GPD1L: variants seen among roughly 807,000 people sequenced by gnomAD.
The protein encoded by GPD1L is glycerol-3-phosphate dehydrogenase 1-like protein.
GPD1L carries 17 observed loss-of-function variants against 32.9 expected under a neutral mutation model. The observed-to-expected ratio is 0.52, with a 90% confidence interval of 0.35 to 0.78. GPD1L has a LOEUF of 0.78. GPD1L is among the 30% of genes least tolerant of loss of function. GPD1L has a pLI of 0.01. For missense variants in GPD1L, 361 were observed against 447.8 expected (o/e 0.81, Z 1.75); for synonymous variants, 187 against 165.9 (o/e 1.13, Z -0.98).
chr3:32,111,815 CTT>C (rs113395943), intron 1 of GPD1L, among the ~76,000 whole-genome samples: 32 of 143,682 alleles, frequency 2.2e-4, no homozygotes, highest in Non-Finnish European at 2.8e-4. Context: ...GTGACTCTGT[CTT>C]TTTTTTTTTT....
chr3:32,153,043 A>G lies in GPD1L; in HGVS notation c.619-5833A>G, dbSNP rs78986554. 1.5e-3 allele frequency among the ~76,000 whole-genome samples: 233 copies of G among 152,240 alleles called. 3 individuals are homozygous for G. Among genetic ancestry groups the G allele is most frequent in the African/African-American group, 5.4e-3 (224 of 41,558 alleles). On this transcript the variant is annotated intron_variant, in intron 5 of 7. Coordinates refer to ENST00000282541, the MANE Select transcript of GPD1L (RefSeq NM_015141.4). ...TACTTGCATTAAAATAAGAGATTCT[A>G]TTATTGTAGAAGGAAAGAATAGATT...
chr3:32,154,816 C>A (rs1363889124), intron 5 of GPD1L, among the ~76,000 whole-genome samples: 1 of 151,838 alleles, frequency 6.6e-6, no homozygotes, highest in African/African-American at 2.4e-5. Context: ...GGCATGATCT[C>A]GGCTCACTGC....
chr3:32,112,786 A>G (rs1263003482), intron 1 of GPD1L, among the ~76,000 whole-genome samples: 1 of 152,178 alleles, frequency 6.6e-6, no homozygotes, highest in Admixed American at 6.5e-5. Flanking sequence ...AGGCATAAAT[A>G]TAATAATTTA....
At chr3:32,125,476 G>A (rs1700493292) in intron 1 of GPD1L, among the ~76,000 whole-genome samples, 1 of 152,148 alleles carries the variant, frequency 6.6e-6, no homozygotes, top group Non-Finnish European at 1.5e-5. Context: ...TCTCAGCGGG[G>A]TTTGGTCTTC....
chr3:32,144,747 G>A (rs1024534144), intron 4 of GPD1L, among the ~76,000 whole-genome samples: 1 of 149,424 alleles, frequency 6.7e-6, no homozygotes, highest in Non-Finnish European at 1.5e-5. Context: ...GTGCAGTGGC[G>A]TGATCTCGGC....
intron 7 of GPD1L, among the ~76,000 whole-genome samples, chr3:32,160,404 G>A (rs1575123014): frequency 7.5e-5 from 5 of 66,922 alleles, no homozygotes; most frequent in Middle Eastern, 7.8e-3. Context: ...GTGCATGGGT[G>A]GATGGGTGAG....
chr3:32,129,609 G>A (rs918814726), intron 2 of GPD1L, among the ~76,000 whole-genome samples: 3 of 152,144 alleles, frequency 2.0e-5, no homozygotes, highest in Non-Finnish European at 2.9e-5. Context: ...CCTGGTGGAC[G>A]CATCCCTGAG....
intron 5 of GPD1L, among the ~76,000 whole-genome samples, chr3:32,157,171 G>A (rs1007570068): frequency 2.0e-5 from 3 of 151,342 alleles, no homozygotes; most frequent in African/African-American, 4.9e-5. Flanking sequence ...CTCAGATGCC[G>A]CCTCCTCCAT....
At chr3:32,150,856 G>A (rs1436911711) in intron 5 of GPD1L, among the ~76,000 whole-genome samples, 4 of 152,110 alleles carry the variant, frequency 2.6e-5, no homozygotes, top group African/African-American at 4.8e-5. Context: ...TTGGGAGGCC[G>A]AGGTGGGAAG....
chr3:32,147,660 C>T (rs946856280), intron 5 of GPD1L, among the ~76,000 whole-genome samples: 5 of 152,112 alleles, frequency 3.3e-5, no homozygotes, highest in Admixed American at 3.3e-4. Context: ...TGTGAATGCC[C>T]CTTTTGAGCC....
intron 5 of GPD1L, chr3:32,151,893 C>A (rs186161360): frequency 2.0e-5 from 3 of 152,890 alleles, no homozygotes; most frequent in Admixed American, 6.5e-5. Context: ...CTTTTGTATT[C>A]ATCATTTTGG....
At chr3:32,109,706 A>C (rs978427612) in intron 1 of GPD1L, among the ~76,000 whole-genome samples, 1 of 152,244 alleles carries the variant, frequency 6.6e-6, no homozygotes, top group Non-Finnish European at 1.5e-5. Context: ...AGGAGTGTTC[A>C]GCTCTAGTCA....
chr3:32,142,376 C>T (rs922838985), intron 4 of GPD1L, among the ~76,000 whole-genome samples: 9 of 152,168 alleles, frequency 5.9e-5, no homozygotes, highest in African/African-American at 2.2e-4. Context: ...CTCAACCTCC[C>T]AAAGTGCTGG....
At chr3:32,146,452 A>G (rs1021614504) in intron 4 of GPD1L, among the ~76,000 whole-genome samples, 170 bp from the exon 5 acceptor site, 1 of 152,130 alleles carries the variant, frequency 6.6e-6, no homozygotes, top group African/African-American at 2.4e-5. Context: ...GATCACCTCG[A>G]TTGGAAACGG....
In GPD1L at chr3:32,159,001, A is replaced by G. The variant is rs1701036767; in HGVS notation, c.744A>G (p.Gln248=). 2 of 1,614,004 alleles carry G rather than the reference A, an allele frequency of 1.2e-6. No homozygotes were observed. Among genetic ancestry groups the G allele is most frequent in the Non-Finnish European group, 1.7e-6 (2 of 1,180,040 alleles). Residue 248 remains glutamine, a synonymous_variant, in exon 6 of 8, where the codon CAA becomes CAG. Transcript: ENST00000282541. ...IAFARIFCKG[Q]VSTATFLESC... ...TTGCCAGGATCTTCTGCAAAGGCCA[A>G]GTGTCTACAGCCACCTTCCTAGAGA... is the stretch of plus-strand genomic sequence containing the variant.
At chr3:32,119,190 AT>A (rs1453536728) in intron 1 of GPD1L, among the ~76,000 whole-genome samples, 1 of 152,206 alleles carries the variant, frequency 6.6e-6, no homozygotes, top group Admixed American at 6.5e-5. Flanking sequence ...AGGGACTGCC[AT>A]TTGGTTTTCC....
chr3:32,146,383 G>C (rs1479256901), intron 4 of GPD1L, among the ~76,000 whole-genome samples: 1 of 151,948 alleles, frequency 6.6e-6, no homozygotes, highest in African/African-American at 2.4e-5. Context: ...ATCGTGTCTG[G>C]CCAAAAAAAA....
rs1701051460 is a variant in GPD1L, at chr3:32,159,771, G to T, written c.959+97G>T. On this transcript the variant is annotated intron_variant, in intron 7 of 7. Coordinates refer to ENST00000282541, the MANE Select transcript of GPD1L (RefSeq NM_015141.4). ...GGAGATGAGCTAGACTATTTGACAAGTGCCCTTAGAACTTATCTGGATTAG... is the reference window on the plus strand; with the variant it reads ...GGAGATGAGCTAGACTATTTGACAATTGCCCTTAGAACTTATCTGGATTAG... 5.1e-6 allele frequency: 4 copies of T among 791,960 alleles called. No individual in the cohort carries two copies. In the African/African-American group the frequency reaches 6.7e-5, roughly 13 times the overall value. The allele number at this position is 791,960 out of a possible 1,614,324, so 49.1% of individuals were successfully genotyped here. A position where few individuals can be genotyped will look rare whatever the true frequency, so the allele number is the denominator to read the frequency against.
At chr3:32,158,603 A>G (rs1701026945) in intron 5 of GPD1L, 2 of 604,070 alleles carry the variant, frequency 3.3e-6, no homozygotes, top group East Asian at 2.9e-5. Flanking sequence ...ACCAAAGACT[A>G]CTATCAGCCG....
Sources: gnomAD v4.1 joint callset for allele counts (sites outside exome capture counted in the v4.1 genomes callset) on GRCh38, gnomAD v4.1.1 for gene constraint, MANE v1.5 for transcripts, NCBI Gene and HGNC (gene_info 2026-07-23, HGNC 2026-07-21) for gene names.